Variants in ITGAE observed in about 807,000 individuals in gnomAD.
The protein encoded by ITGAE is integrin alpha-E.
In ITGAE, 99 loss-of-function variants were observed where a neutral mutation model predicts 136.5. The observed-to-expected ratio is 0.73, with a 90% CI of 0.62 to 0.86. The LOEUF (loss-of-function observed/expected upper bound fraction) is 0.86. Among genes scored for constraint, ITGAE ranks in the 40% least tolerant of loss-of-function variants. The pLI is 0.00. For missense variants in ITGAE, 1,447 were observed against 1,515.3 expected (o/e 0.95, Z 0.75); for synonymous variants, 613 against 591.8 (o/e 1.04, Z -0.52).
intron 1 of ITGAE, among the ~76,000 whole-genome samples, chr17:3,796,031 G>C (rs1190732470): frequency 8.7e-6 from 1 of 114,566 alleles, no homozygotes; most frequent in Non-Finnish European, 1.9e-5. Context: ...GCGTGTGTGC[G>C]TGTGCATCCG....
chr17:3,757,662 G>C, intron 9 of ITGAE, 44 bp downstream of exon 9: 5 of 1,604,736 alleles, frequency 3.1e-6, no homozygotes, highest in Non-Finnish European at 4.3e-6. Context: ...CCCCACCCCA[G>C]GCTGTGCAGG....
chr17:3,778,368 G>A (rs1429791126), intron 1 of ITGAE, among the ~76,000 whole-genome samples: 3 of 152,190 alleles, frequency 2.0e-5, no homozygotes, highest in Non-Finnish European at 2.9e-5. Flanking sequence ...TTCGAGACCA[G>A]CCTGGCCAAC....
chr17:3,777,002 C>T lies in ITGAE; in HGVS notation c.155+538G>A, dbSNP rs1303167674. Among the ~76,000 whole-genome samples the T allele has an allele frequency of 1.3e-4, 20 of 150,272 alleles. No individual in the cohort carries two copies. In the East Asian group the frequency reaches 3.3e-3, roughly 25 times the overall value. On this transcript the variant is annotated intron_variant, in intron 2 of 30. Coordinates refer to ENST00000263087, the MANE Select transcript of ITGAE (RefSeq NM_002208.5). ...TTGAGACGGAGTCTCGCTCTGTCGC[C>T]CAGGCTGGAGTGCAGTGGCGCCATC...
chr17:3,787,395 A>G (rs1169719807), intron 1 of ITGAE, among the ~76,000 whole-genome samples: 1 of 152,086 alleles, frequency 6.6e-6, no homozygotes, highest in Non-Finnish European at 1.5e-5. Flanking sequence ...TACAGGCATG[A>G]GCCACCATGC....
At chr17:3,747,605 G>A (rs767223890) in intron 17 of ITGAE, among the ~76,000 whole-genome samples, 4 of 152,128 alleles carry the variant, frequency 2.6e-5, no homozygotes, top group East Asian at 1.9e-4. Flanking sequence ...CACCGCGCCC[G>A]GCCTTCTGAG....
At position 3,797,455 on chromosome 17, in the gene ITGAE, G is replaced by A. The variant is rs1482686463; in HGVS notation, c.34+3656C>T. On this transcript the variant is annotated intron_variant, in intron 1 of 30. Coordinates refer to ENST00000263087, the MANE Select transcript of ITGAE (RefSeq NM_002208.5). ...GCTGGGATTACAGGCTTGAGCCACT[G>A]CGCCTGGCCTTTTTTTTTTTTTTGA... Among the ~76,000 whole-genome samples, 5 of 144,058 alleles carry A rather than the reference G, an allele frequency of 3.5e-5. No homozygotes were observed. In the East Asian group the frequency reaches 1.0e-3, roughly 30 times the overall value. 94.5% of individuals were successfully genotyped at this position (144,058 alleles called of 152,430 possible).
intron 30 of ITGAE, 87 bp downstream of exon 30, chr17:3,716,601 A>G: frequency 1.3e-6 from 1 of 785,770 alleles, no homozygotes; most frequent in Non-Finnish European, 2.2e-6. Flanking sequence ...CAGCTGCTCT[A>G]AGTCAGAGGT....
intron 7 of ITGAE, among the ~76,000 whole-genome samples, 172 bp from the exon 8 acceptor site, chr17:3,759,725 G>A (rs916016313): frequency 3.3e-5 from 5 of 152,194 alleles, no homozygotes; most frequent in Non-Finnish European, 5.9e-5. Flanking sequence ...AGAAGGGTGC[G>A]ATAGTAAAGG....
chr17:3,777,459 C>A lies in ITGAE; in HGVS notation c.155+81G>T, dbSNP rs935883026. On this transcript the variant is annotated intron_variant, in intron 2 of 30. Transcript: ENST00000263087. ...CCTGACGGTGGGGTGGGGTGGGCTG[C>A]CATGGCCGTCTCTGGGGCCCATCTC... is the stretch of plus-strand genomic sequence containing the variant. The A allele has an allele frequency of 8.0e-6, 12 of 1,509,142 alleles. No individual in the cohort carries two copies. In the African/African-American group the frequency reaches 1.7e-4, roughly 21 times the overall value. 93.5% of individuals were successfully genotyped at this position (1,509,142 alleles called of 1,614,324 possible). A position where few individuals can be genotyped will look rare whatever the true frequency, so the allele number is the denominator to read the frequency against.
At chr17:3,739,770 T>C (rs750020966) in intron 20 of ITGAE, 35 bp downstream of exon 20, 1 of 1,579,316 alleles carries the variant, frequency 6.3e-7, no homozygotes, top group Non-Finnish European at 8.7e-7. Context: ...CGGGAGAAGG[T>C]TAATCGAGGA....
chr17:3,795,848 T>C (rs28610316), intron 1 of ITGAE, among the ~76,000 whole-genome samples: 119,373 of 148,064 alleles, frequency 0.81, 48,164 homozygotes, highest in African/African-American at 0.88. Context: ...TGTGTGCATC[T>C]GTGTGTGTGC....
chr17:3,785,506 G>GGAAT (rs891857997), intron 1 of ITGAE, among the ~76,000 whole-genome samples: 1 of 125,840 alleles, frequency 7.9e-6, no homozygotes, highest in Non-Finnish European at 1.6e-5. Context: ...GAGGAAGGAA[G>GGAAT]GAAGGAAGGA....
At chr17:3,724,008 C>G (rs750548993) in intron 26 of ITGAE, 4 of 1,592,372 alleles carry the variant, frequency 2.5e-6, no homozygotes, top group South Asian at 1.1e-5. Context: ...CAGGAGACAG[C>G]GGCGGCCGGG....
intron 1 of ITGAE, among the ~76,000 whole-genome samples, chr17:3,800,032 C>T (rs1319678634): frequency 1.3e-5 from 2 of 152,134 alleles, no homozygotes; most frequent in East Asian, 1.9e-4. Flanking sequence ...GGCAGGAGAA[C>T]TGCTTGAACC....
chr17:3,788,593 C>T (rs2052855709), intron 1 of ITGAE, among the ~76,000 whole-genome samples: 2 of 149,930 alleles, frequency 1.3e-5, no homozygotes, highest in Non-Finnish European at 3.0e-5. Flanking sequence ...AGCCACTGTG[C>T]CCAGCCTGTT....
Position 3,729,539 on chromosome 17 carries a change from A to G in ITGAE, c.2851T>C (p.Ser951Pro). 6.2e-7 allele frequency: 1 copy of G among 1,603,250 alleles called. No individual in the cohort carries two copies. The highest frequency in any genetic ancestry group is 8.5e-7 in the Non-Finnish European group (1 of 1,171,152). ...VTVTNSNERRSLANETHTLQF... is the reference protein window; with the variant it reads ...VTVTNSNERRPLANETHTLQF... Reference sequence around the variant, plus strand: ...AGGGTGTGGGTCTCGTTGGCCAAAGACCGTCTTTCATTGGAACTAGGAATA... The same window carrying G: ...AGGGTGTGGGTCTCGTTGGCCAAAGGCCGTCTTTCATTGGAACTAGGAATA... Residue 951 changes from serine to proline, a missense_variant, in exon 24 of 31, where the codon TCT (serine) becomes CCT (proline). Transcript: ENST00000263087.
intron 2 of ITGAE, among the ~76,000 whole-genome samples, chr17:3,775,040 C>T (rs973230863): frequency 6.6e-6 from 1 of 151,910 alleles, no homozygotes; most frequent in African/African-American, 2.4e-5. Flanking sequence ...CACCCGCCCC[C>T]GGGCTCAGGC....
At chr17:3,770,114 CT>C (rs796370894) in intron 2 of ITGAE, among the ~76,000 whole-genome samples, 3,714 of 138,730 alleles carry the variant, frequency 0.027, 99 homozygotes, top group African/African-American at 0.063. Context: ...TTCTTTCTTT[CT>C]TTTTTTTTTT....
At chr17:3,733,066 C>T (rs1468257606) in intron 21 of ITGAE, among the ~76,000 whole-genome samples, 1 of 152,160 alleles carries the variant, frequency 6.6e-6, no homozygotes, top group African/African-American at 2.4e-5. Context: ...TCACTGCAAC[C>T]TCCACCTCCC....
Sources: allele counts gnomAD v4.1 joint callset (sites outside exome capture counted in the v4.1 genomes callset), GRCh38; gene constraint gnomAD v4.1.1; transcripts MANE v1.5; gene names NCBI Gene and HGNC (gene_info 2026-07-23, HGNC 2026-07-21).